The following GCM2 variants were observed in gnomAD, a reference collection of about 807,000 sequenced individuals.
GCM2 encodes the protein GCM transcription factor 2, also known as chorion-specific transcription factor GCMb.
Under a neutral mutation model 24.8 loss-of-function variants are expected in GCM2, and 21 were observed. That is an observed-to-expected ratio of 0.85 (90% CI 0.60 to 1.22). The LOEUF (loss-of-function observed/expected upper bound fraction) is 1.22. Among genes scored for constraint, GCM2 ranks in the 50% most tolerant of loss-of-function variants. GCM2 has a pLI of 0.00. For missense variants in GCM2, 532 were observed against 645.6 expected, an observed-to-expected ratio of 0.82 and a Z score of 1.91; for synonymous variants, 222 against 238.0, an observed-to-expected ratio of 0.93 and a Z score of 0.62.
Position 10,874,634 on chromosome 6 carries a change from A to G in GCM2, c.882T>C (p.Asp294=). 6.2e-7 allele frequency: 1 copy of G among 1,614,220 alleles called. No homozygotes were observed. Among genetic ancestry groups the G allele is most frequent in the South Asian group, 1.1e-5 (1 of 91,092 alleles). Reference sequence around the variant, plus strand: ...CTGTGTCATTAGGGATACTGGTGGAATCCTTATAAAGGGTGGGATATGGGC... The same window carrying G: ...CTGTGTCATTAGGGATACTGGTGGAGTCCTTATAAAGGGTGGGATATGGGC... ...NSSPYPTLYK[D]STSIPNDTDW... Residue 294 remains aspartate, a synonymous_variant, in exon 5 of 5, where the codon GAT becomes GAC. Coordinates refer to ENST00000379491, the MANE Select transcript of GCM2 (RefSeq NM_004752.4).
At chr6:10,880,555 A>G (rs1158666702) in intron 1 of GCM2, among the ~76,000 whole-genome samples, 2 of 151,938 alleles carry the variant, frequency 1.3e-5, no homozygotes, top group Non-Finnish European at 2.9e-5. Flanking sequence ...GGACTTCAAC[A>G]TCACTCAATT....
At chr6:10,875,765 C>A (rs183244148) in intron 4 of GCM2, 126 bp downstream of exon 4, 12 of 926,348 alleles carry the variant, frequency 1.3e-5, no homozygotes, top group Admixed American at 1.9e-5. Flanking sequence ...TTGTTACAGA[C>A]GTATAATTTT....
chr6:10,876,658 G>A (rs996306735), intron 2 of GCM2, 101 bp from the exon 3 acceptor site: 26 of 819,500 alleles, frequency 3.2e-5, no homozygotes, highest in East Asian at 1.3e-4. Context: ...GCTCGGGCGC[G>A]GTGGCTCACG....
intron 4 of GCM2, among the ~76,000 whole-genome samples, chr6:10,875,679 G>T (rs560570763): frequency 6.6e-6 from 1 of 152,176 alleles, no homozygotes; most frequent in Non-Finnish European, 1.5e-5. Flanking sequence ...CTGTATCATT[G>T]CCTGTAGAGA....
rs935515272 is a variant in GCM2 at position 10,873,546 on chromosome 6, A to G, written c.*449T>C. ...GTTCTAAATGCTAAACAAAAATTTC[A>G]TGAAATGACTCAGGTGATAAGATTG... On this transcript the variant is annotated 3_prime_UTR_variant, in exon 5 of 5. Coordinates refer to ENST00000379491, the MANE Select transcript of GCM2 (RefSeq NM_004752.4). The G allele has an allele frequency of 1.7e-5, 3 of 181,310 alleles. No homozygotes were observed. Among genetic ancestry groups the G allele is most frequent in the Admixed American group, 1.6e-4 (3 of 18,482 alleles). 11.2% of individuals were successfully genotyped at this position (181,310 alleles called of 1,614,324 possible).
At position 10,874,915 on chromosome 6, in the gene GCM2, T is replaced by G. The variant is rs368597726; in HGVS notation, c.601A>C (p.Ser201Arg). ...RESEAEENQD[S>R]SGHFSNIPPL... ...GGTATGTTGCTGAAATGACCACTGC[T>G]GTCTTGATTTTCTTCTGCCTAGAAA... The change falls in exon 5 of 5, where the codon AGC becomes CGC. Residue 201 changes from serine to arginine, a missense_variant. Coordinates refer to ENST00000379491, the MANE Select transcript of GCM2 (RefSeq NM_004752.4). The G allele has an allele frequency of 1.2e-6, 2 of 1,612,682 alleles. No individual in the cohort carries two copies. The highest frequency in any genetic ancestry group is 2.7e-5 in the African/African-American group (2 of 75,000).
chr6:10,876,389 G>A, intron 3 of GCM2, 56 bp downstream of exon 3: 1 of 1,149,864 alleles, frequency 8.7e-7, no homozygotes, highest in African/African-American at 1.5e-5. Context: ...AGGTGGTTTG[G>A]CCTTTGTGGT....
Position 10,873,996 on chromosome 6 carries a change from C to T in GCM2, c.1520G>A (p.Ter507=), listed in dbSNP as rs749848484. ...PFFTYNNEDF[*] is the part of the protein sequence containing the mutation. ...CTATTATGTCCCCTGGATTGTCTTT[C>T]AAAAATCCTCATTGTTGTAGGTAAA... The change falls in exon 5 of 5, where the codon TGA becomes TAA. Residue 507 remains the stop codon, a stop_retained_variant. Transcript: ENST00000379491. The T allele has an allele frequency of 6.2e-7, 1 of 1,612,566 alleles. No individual in the cohort carries two copies. The highest frequency in any genetic ancestry group is 8.5e-7 in the Non-Finnish European group (1 of 1,178,632).
At chr6:10,875,205 A>T (rs538343721) in intron 4 of GCM2, among the ~76,000 whole-genome samples, 1 of 152,150 alleles carries the variant, frequency 6.6e-6, no homozygotes. Context: ...GTTCTCACCT[A>T]TACTGTCTTC....
At position 10,881,858 on chromosome 6, in the gene GCM2, G is replaced by T. The variant is rs1346576566; in HGVS notation, c.-65C>A. Reference sequence around the variant, plus strand: ...AAATAGAAGAAAAAAGGACAGGTGCGCCAGGTGGGTTTTTTTTCTTCTCTT... The same window carrying T: ...AAATAGAAGAAAAAAGGACAGGTGCTCCAGGTGGGTTTTTTTTCTTCTCTT... On this transcript the variant is annotated 5_prime_UTR_variant, in exon 1 of 5. Coordinates refer to ENST00000379491, the MANE Select transcript of GCM2 (RefSeq NM_004752.4). The T allele has an allele frequency of 6.0e-6, 8 of 1,335,080 alleles. No individual in the cohort carries two copies. Among genetic ancestry groups the T allele is most frequent in the Admixed American group, 3.5e-5 (2 of 57,442 alleles). The allele number at this position is 1,335,080 out of a possible 1,614,324, so 82.7% of individuals were successfully genotyped here. A position where few individuals can be genotyped will look rare whatever the true frequency, so the allele number is the denominator to read the frequency against.
At chr6:10,875,012 A>C in intron 4 of GCM2, 79 bp from the exon 5 acceptor site, 3 of 989,804 alleles carry the variant, frequency 3.0e-6, no homozygotes, top group Non-Finnish European at 4.9e-6. Context: ...GCCTAGAAGT[A>C]AGTAAAAACA....
intron 4 of GCM2, among the ~76,000 whole-genome samples, chr6:10,875,607 T>C (rs1002882906): frequency 2.0e-5 from 3 of 152,232 alleles, no homozygotes; most frequent in Non-Finnish European, 2.9e-5. Flanking sequence ...TTTCTATCTT[T>C]ATTACTGTTG....
rs768448554 is a variant in GCM2 at position 10,874,294 on chromosome 6, C to A, written c.1222G>T (p.Val408Leu). Residue 408 changes from valine to leucine, a missense_variant, in exon 5 of 5, where the codon GTG (valine) becomes TTG (leucine). Coordinates refer to ENST00000379491, the MANE Select transcript of GCM2 (RefSeq NM_004752.4). ...AMKYSDSVREVKSLSSCNYAP... is the reference protein window; with the variant it reads ...AMKYSDSVRELKSLSSCNYAP... The stretch of plus-strand genomic sequence containing the variant: ...TAGTTACAGCTCGAAAGGCTCTTCA[C>A]CTCTCGCACACTGTCACTGTATTTC... 6.2e-7 allele frequency: 1 copy of A among 1,614,228 alleles called. No individual in the cohort carries two copies. The highest frequency in any genetic ancestry group is 1.1e-5 in the South Asian group (1 of 91,082).
intron 1 of GCM2, among the ~76,000 whole-genome samples, chr6:10,879,481 CAT>C (rs933644133): frequency 9.2e-4 from 139 of 151,702 alleles, no homozygotes; most frequent in African/African-American, 3.2e-3. Flanking sequence ...TGTGTGTGTA[CAT>C]ACACACACAT....
intron 2 of GCM2, 21 bp from the exon 3 acceptor site, chr6:10,876,578 A>G: frequency 1.4e-6 from 2 of 1,457,058 alleles, no homozygotes; most frequent in Non-Finnish European, 1.9e-6. Flanking sequence ...CAGAAGGGAG[A>G]AATATTAACC....
rs771555061 is a variant in GCM2, at chr6:10,874,905, T to A, written c.611A>T (p.His204Leu). Residue 204 changes from histidine (H) to leucine (L), a missense_variant, in exon 5 of 5, where the codon CAT (histidine) becomes CTT (leucine). Physicochemically the swap from His to Leu is moderately conservative, Grantham distance 99 (BLOSUM62 -3). Transcript: ENST00000379491. ...EAEENQDSSG[H>L]FSNIPPLENP... ...TTCCAAGGGAGGTATGTTGCTGAAA[T>A]GACCACTGCTGTCTTGATTTTCTTC... 19 of 1,613,388 alleles carry A rather than the reference T, an allele frequency of 1.2e-5. 1 individual carries two copies. In the African/African-American group the frequency reaches 2.3e-4, roughly 19 times the overall value.
rs527620122 is a variant in GCM2, at chr6:10,874,217, C to T, written c.1299G>A (p.Pro433=). The change falls in exon 5 of 5, where the codon CCG becomes CCA. Residue 433 remains proline (P), a synonymous_variant. Transcript: ENST00000379491. Reference sequence around the variant, plus strand: ...GAGAGGCTGCCCTGGTGACTGTCACCGGAGGACCCCAGGGTTCTGGATAGA... The same window carrying T: ...GAGAGGCTGCCCTGGTGACTGTCACTGGAGGACCCCAGGGTTCTGGATAGA... ...MSVYPEPWGP[P]VTVTRAASPS... 35 of 1,614,184 alleles carry T rather than the reference C, an allele frequency of 2.2e-5. No homozygotes were observed. The highest frequency in any genetic ancestry group is 5.3e-5 in the African/African-American group (4 of 75,062).
chr6:10,874,264 G>T lies in GCM2; in HGVS notation c.1252C>A (p.Pro418Thr), dbSNP rs760897802. The T allele has an allele frequency of 1.9e-6, 3 of 1,614,092 alleles. No homozygotes were observed. Among genetic ancestry groups the T allele is most frequent in the Non-Finnish European group, 2.5e-6 (3 of 1,180,040 alleles). Reference protein sequence around the residue: ...VKSLSSCNYAPEDTGMSVYPE... With the variant: ...VKSLSSCNYATEDTGMSVYPE... ...TAGACAGACATCCCAGTATCTTCAG[G>T]AGCATAGTTACAGCTCGAAAGGCTC... The change falls in exon 5 of 5, where the codon CCT becomes ACT. Residue 418 changes from proline (P) to threonine (T), a missense_variant. Pro to Thr is a conservative substitution (Grantham distance 38). Around this residue, in one of 3 missense-constraint regions of GCM2, gnomAD observed 434 missense variants for 521.9 expected, o/e 0.83. Transcript: ENST00000379491.
intron 1 of GCM2, among the ~76,000 whole-genome samples, chr6:10,878,611 C>T (rs990210084): frequency 6.6e-6 from 1 of 152,180 alleles, no homozygotes; most frequent in Admixed American, 6.5e-5. Flanking sequence ...AGCCACCATG[C>T]CCGGCCACTG....
Sources: gnomAD v4.1 joint callset for allele counts (sites outside exome capture counted in the v4.1 genomes callset) on GRCh38, gnomAD v4.1.1 for gene constraint, gnomAD v4.1.1 regional missense constraint, MANE v1.5 for transcripts, NCBI Gene and HGNC (gene_info 2026-07-23, HGNC 2026-07-21) for gene names.